Variants in CADM1 observed in about 807,000 individuals in gnomAD.
The protein encoded by CADM1 is cell adhesion molecule 1.
A neutral mutation model predicts 53.1 loss-of-function variants in CADM1; 15 were observed. The observed-to-expected ratio is 0.28, with a 90% CI of 0.19 to 0.44. CADM1 has a LOEUF of 0.44. CADM1 is among the 20% of genes least tolerant of loss of function. The pLI is 1.00. For synonymous variants in CADM1, 281 were observed against 243.0 expected, an observed-to-expected ratio of 1.16 and a Z score of -1.45; for missense variants, 434 against 611.3, an observed-to-expected ratio of 0.71 and a Z score of 3.06.
At chr11:115,256,989 A>C in intron 1 of CADM1, 3 of 434,182 alleles carry the variant, frequency 6.9e-6, no homozygotes, top group South Asian at 4.8e-5. Context: ...TCACATTTAG[A>C]GTGTGAATTA....
At chr11:115,203,845 G>C (rs75585653) in intron 8 of CADM1, among the ~76,000 whole-genome samples, 3,285 of 152,036 alleles carry the variant, frequency 0.022, 110 homozygotes, top group African/African-American at 0.075. Context: ...ATTTGTAACA[G>C]GTTTACAATT....
chr11:115,239,090 G>A (rs1942119859), intron 2 of CADM1, among the ~76,000 whole-genome samples: 1 of 152,144 alleles, frequency 6.6e-6, no homozygotes, highest in African/African-American at 2.4e-5. Context: ...GAAGTTCAGG[G>A]ACTAGGGCCT....
intron 1 of CADM1, among the ~76,000 whole-genome samples, chr11:115,320,910 C>T (rs1264372102): frequency 1.3e-5 from 2 of 152,012 alleles, no homozygotes; most frequent in Admixed American, 1.3e-4. Context: ...ACTAGAATTC[C>T]AAATCTAGTC....
At chr11:115,190,207 A>G (rs1470743812) in intron 10 of CADM1, among the ~76,000 whole-genome samples, 2 of 152,192 alleles carry the variant, frequency 1.3e-5, no homozygotes, top group African/African-American at 2.4e-5. Flanking sequence ...AAGCTCATAT[A>G]ATTGTTTAGC....
intron 1 of CADM1, among the ~76,000 whole-genome samples, chr11:115,295,361 C>A (rs1224798557): frequency 6.6e-6 from 1 of 151,610 alleles, no homozygotes; most frequent in Non-Finnish European, 1.5e-5. Context: ...GTACATTCCA[C>A]ATCCTTGAGG....
chr11:115,224,356 C>T (rs72994066), intron 5 of CADM1, among the ~76,000 whole-genome samples: 6,412 of 152,114 alleles, frequency 0.042, 182 homozygotes, highest in Middle Eastern at 0.099. Flanking sequence ...AAATACCTAG[C>T]TACATTCAGT....
chr11:115,237,294 C>A (rs1020742968), intron 3 of CADM1, among the ~76,000 whole-genome samples: 1 of 152,160 alleles, frequency 6.6e-6, no homozygotes, highest in Non-Finnish European at 1.5e-5. Context: ...AATATGAATA[C>A]GTGAAAGCCA....
chr11:115,501,128 C>G (rs1485368201), intron 1 of CADM1, among the ~76,000 whole-genome samples: 1 of 152,148 alleles, frequency 6.6e-6, no homozygotes, highest in East Asian at 1.9e-4. Flanking sequence ...CAAAACGTCC[C>G]AGGCAAATAA....
rs1335796684 is a variant in CADM1 at position 115,173,077 on chromosome 11, C to G, written c.*3397G>C. ...TACCCAGGCCTGGAAGTCTCAGCAACCTAAACAGCAAGTGAGAACAATCTT... is the reference window on the plus strand; with the variant it reads ...TACCCAGGCCTGGAAGTCTCAGCAAGCTAAACAGCAAGTGAGAACAATCTT... On this transcript the variant is annotated 3_prime_UTR_variant, in exon 12 of 12. Coordinates refer to ENST00000331581, the MANE Select transcript of CADM1 (RefSeq NM_001301043.2). 6.6e-6 allele frequency: 1 copy of G among 152,256 alleles called. No homozygotes were observed. The highest frequency in any genetic ancestry group is 2.4e-5 in the African/African-American group (1 of 41,436). The allele number at this position is 152,256 out of a possible 1,614,324, so 9.4% of individuals were successfully genotyped here.
intron 1 of CADM1, among the ~76,000 whole-genome samples, chr11:115,314,585 T>C (rs970018615): frequency 3.3e-5 from 5 of 152,166 alleles, no homozygotes; most frequent in African/African-American, 7.2e-5. Flanking sequence ...CGTTTGTATA[T>C]GAAAGATTTA....
intron 1 of CADM1, among the ~76,000 whole-genome samples, chr11:115,443,508 C>T (rs940084881): frequency 6.6e-6 from 1 of 152,144 alleles, no homozygotes; most frequent in African/African-American, 2.4e-5. Flanking sequence ...CCTTTGATCT[C>T]AATTTCTCCC....
At chr11:115,399,049 G>A (rs1034317840) in intron 1 of CADM1, 1 of 152,170 alleles carries the variant, frequency 6.6e-6, no homozygotes, top group African/African-American at 2.4e-5. Context: ...GATATTCCCT[G>A]ATTTAATCTT....
intron 10 of CADM1, among the ~76,000 whole-genome samples, chr11:115,183,960 G>A (rs565478206): frequency 3.3e-5 from 5 of 152,290 alleles, no homozygotes; most frequent in South Asian, 2.1e-4. Context: ...GTTCTGTCAC[G>A]TGGCTCAGTT....
At position 115,289,927 on chromosome 11, in the gene CADM1, C is replaced by T. The variant is rs1234498; in HGVS notation, c.125-49507G>A. ...TTTAATTGTATTGAATTTTGCTTAA[C>T]TTAAATTCAATAGCCATAAGGGCTA... On this transcript the variant is annotated intron_variant, in intron 1 of 11. Coordinates refer to ENST00000331581, the MANE Select transcript of CADM1 (RefSeq NM_001301043.2). 7.9e-3 allele frequency among the ~76,000 whole-genome samples: 1,204 copies of T among 152,292 alleles called. 5 individuals are homozygous for T. The highest frequency in any genetic ancestry group is 0.02 in the Middle Eastern group (6 of 294).
intron 3 of CADM1, among the ~76,000 whole-genome samples, chr11:115,235,440 A>C (rs1051094009): frequency 1.4e-4 from 21 of 152,334 alleles, no homozygotes; most frequent in Admixed American, 1.3e-3. Flanking sequence ...CATTTAGTAA[A>C]AACTGCCTGC....
intron 1 of CADM1, among the ~76,000 whole-genome samples, chr11:115,407,778 G>A (rs1378876880): frequency 1.3e-5 from 2 of 148,368 alleles, no homozygotes; most frequent in East Asian, 4.1e-4. Context: ...GCCAAGGAAG[G>A]AGGGTCACCT....
At chr11:115,422,928 G>GT (rs1163158538) in intron 1 of CADM1, among the ~76,000 whole-genome samples, 12 of 152,000 alleles carry the variant, frequency 7.9e-5, no homozygotes, top group African/African-American at 2.9e-4. Context: ...CAGTTTAACT[G>GT]TTTTTAAAAT....
intron 11 of CADM1, among the ~76,000 whole-genome samples, chr11:115,177,584 G>A (rs1939094197): frequency 6.6e-6 from 1 of 151,826 alleles, no homozygotes; most frequent in Non-Finnish European, 1.5e-5. Flanking sequence ...TTTTCTTGCT[G>A]CAGAGTGACA....
intron 1 of CADM1, among the ~76,000 whole-genome samples, chr11:115,383,003 A>T (rs1198601699): frequency 3.3e-5 from 5 of 152,224 alleles, no homozygotes; most frequent in Non-Finnish European, 7.3e-5. Flanking sequence ...CTCTCACAAT[A>T]GGCTAGCCCT....
Sources: allele counts gnomAD v4.1 joint callset (sites outside exome capture counted in the v4.1 genomes callset), GRCh38; gene constraint gnomAD v4.1.1; transcripts MANE v1.5; gene names NCBI Gene and HGNC (gene_info 2026-07-23, HGNC 2026-07-21).